NRG3: variants seen among roughly 807,000 people sequenced by gnomAD.
NRG3 encodes the protein neuregulin 3, also known as pro-neuregulin-3, membrane-bound isoform.
Under a neutral mutation model 66.9 loss-of-function variants are expected in NRG3, and 31 were observed. That is an observed-to-expected ratio of 0.46 (90% CI 0.35 to 0.63). The LOEUF is 0.63. Ranked by LOEUF, NRG3 falls within the 20% of genes least tolerant of loss-of-function variation. NRG3 has a pLI of 0.00. For missense variants in NRG3, 910 were observed against 878.9 expected (o/e 1.04, Z -0.45); for synonymous variants, 393 against 359.4 (o/e 1.09, Z -1.06).
At chr10:82,056,459 A>T (rs555902523) in intron 1 of NRG3, among the ~76,000 whole-genome samples, 2 of 152,156 alleles carry the variant, frequency 1.3e-5, no homozygotes, top group Non-Finnish European at 2.9e-5. Flanking sequence ...ACAATTATAG[A>T]AGTGAGGGGC....
chr10:82,159,676 A>G (rs2071434817), intron 1 of NRG3, among the ~76,000 whole-genome samples: 1 of 151,918 alleles, frequency 6.6e-6, no homozygotes, highest in South Asian at 2.1e-4. Context: ...TTTTAGTCCC[A>G]TAGCATCAGG....
chr10:82,159,946 C>G (rs2071460724), intron 1 of NRG3, among the ~76,000 whole-genome samples: 1 of 151,884 alleles, frequency 6.6e-6, no homozygotes, highest in African/African-American at 2.4e-5. Flanking sequence ...ATTCAAATTT[C>G]TTTTCACTGA....
At chr10:82,550,246 T>G (rs551045656) in intron 2 of NRG3, among the ~76,000 whole-genome samples, 13 of 152,150 alleles carry the variant, frequency 8.5e-5, no homozygotes, top group Admixed American at 7.2e-4. Context: ...TTTAAAAAAT[T>G]TTTCCTTTTG....
chr10:82,828,251 A>G (rs1051343395), intron 3 of NRG3, among the ~76,000 whole-genome samples: 10 of 152,210 alleles, frequency 6.6e-5, no homozygotes, highest in African/African-American at 2.4e-4. Flanking sequence ...AGGAATGTAC[A>G]AAGTTCATTG....
intron 2 of NRG3, among the ~76,000 whole-genome samples, chr10:82,433,971 T>C (rs904716798): frequency 6.6e-6 from 1 of 152,214 alleles, no homozygotes; most frequent in African/African-American, 2.4e-5. Context: ...CCTAGTTTTT[T>C]CTAATTCTGT....
intron 3 of NRG3, among the ~76,000 whole-genome samples, chr10:82,742,140 A>T (rs948865187): frequency 6.6e-6 from 1 of 151,950 alleles, no homozygotes; most frequent in Non-Finnish European, 1.5e-5. Context: ...TGTCCAGTGC[A>T]TACTTTTGCT....
chr10:82,607,253 T>C (rs2048024651), intron 2 of NRG3, among the ~76,000 whole-genome samples: 1 of 152,170 alleles, frequency 6.6e-6, no homozygotes, highest in Non-Finnish European at 1.5e-5. Flanking sequence ...TTGCCTTATA[T>C]ATTTTGACAC....
intron 1 of NRG3, among the ~76,000 whole-genome samples, chr10:82,128,837 CA>C (rs1226182571): frequency 6.6e-6 from 1 of 151,926 alleles, no homozygotes; most frequent in African/African-American, 2.4e-5. Context: ...GGGACTGGAA[CA>C]TTTCAGCCAA....
At chr10:82,718,335 T>C (rs945508223) in intron 2 of NRG3, among the ~76,000 whole-genome samples, 15 of 152,218 alleles carry the variant, frequency 9.9e-5, no homozygotes, top group African/African-American at 3.4e-4. Context: ...GTTTCTGTTG[T>C]GGTTTCCGTA....
At chr10:82,859,611 T>G (rs2064007831) in intron 3 of NRG3, among the ~76,000 whole-genome samples, 1 of 152,184 alleles carries the variant, frequency 6.6e-6, no homozygotes, top group Admixed American at 6.5e-5. Flanking sequence ...CATAGAGAAT[T>G]GTGAATGCGT....
At chr10:82,300,381 C>A (rs1189577309) in intron 1 of NRG3, among the ~76,000 whole-genome samples, 5 of 151,978 alleles carry the variant, frequency 3.3e-5, no homozygotes, top group African/African-American at 1.2e-4. Flanking sequence ...TTTGAAAATA[C>A]CCATAATCAA....
At chr10:81,966,263 T>C (rs912058263) in intron 1 of NRG3, among the ~76,000 whole-genome samples, 2 of 150,902 alleles carry the variant, frequency 1.3e-5, no homozygotes, top group Non-Finnish European at 3.0e-5. Context: ...TTTAATATGC[T>C]ACTAAATTTT....
intron 4 of NRG3, among the ~76,000 whole-genome samples, chr10:82,866,823 A>T (rs955167819): frequency 6.6e-6 from 1 of 152,158 alleles, no homozygotes; most frequent in African/African-American, 2.4e-5. Flanking sequence ...AGATGACAAT[A>T]TTCAAAGCAT....
chr10:82,646,817 C>A lies in NRG3; in HGVS notation c.954-91760C>A, dbSNP rs146955826. Among the ~76,000 whole-genome samples the A allele has an allele frequency of 1.0e-3, 158 of 152,172 alleles. 1 individual carries two copies. Among genetic ancestry groups the A allele is most frequent in the African/African-American group, 3.6e-3 (150 of 41,524 alleles). ...CAGGGTTTGCTAACTGGTGCTTATCCAGAGGAGAAACAAATTTCTCCTATC... is the reference window on the plus strand; with the variant it reads ...CAGGGTTTGCTAACTGGTGCTTATCAAGAGGAGAAACAAATTTCTCCTATC... On this transcript the variant is annotated intron_variant, in intron 2 of 8. Coordinates refer to ENST00000372141, the MANE Select transcript of NRG3 (RefSeq NM_001010848.4).
chr10:81,927,280 A>G (rs958390210), intron 1 of NRG3, among the ~76,000 whole-genome samples: 4 of 152,184 alleles, frequency 2.6e-5, no homozygotes, highest in Non-Finnish European at 4.4e-5. Flanking sequence ...CATAAACTGA[A>G]TTATTAATAT....
At chr10:82,542,825 C>A (rs961449867) in intron 2 of NRG3, among the ~76,000 whole-genome samples, 3 of 151,988 alleles carry the variant, frequency 2.0e-5, no homozygotes, top group African/African-American at 7.2e-5. Context: ...TGGGAAATTT[C>A]CAGGTTGAAG....
intron 4 of NRG3, among the ~76,000 whole-genome samples, chr10:82,872,732 GA>G (rs11395934): frequency 2.7e-4 from 40 of 145,750 alleles, no homozygotes; most frequent in Non-Finnish European, 2.9e-4. Flanking sequence ...GATACGATAT[GA>G]AAAAAAAAAA....
chr10:82,629,784 G>T (rs1034042817), intron 2 of NRG3, among the ~76,000 whole-genome samples: 18 of 152,180 alleles, frequency 1.2e-4, no homozygotes, highest in African/African-American at 4.1e-4. Flanking sequence ...ATGGGGACTA[G>T]TTGGGATAGA....
intron 1 of NRG3, among the ~76,000 whole-genome samples, chr10:82,036,518 AG>A (rs1261357371): frequency 6.6e-6 from 1 of 152,126 alleles, no homozygotes; most frequent in Non-Finnish European, 1.5e-5. Context: ...TATGATTCAA[AG>A]CTTATGCTTT....
Sources: gnomAD v4.1 joint callset for allele counts (sites outside exome capture counted in the v4.1 genomes callset) on GRCh38, gnomAD v4.1.1 for gene constraint, MANE v1.5 for transcripts, NCBI Gene and HGNC (gene_info 2026-07-23, HGNC 2026-07-21) for gene names.